Variants in GMCL1 observed in about 807,000 individuals in gnomAD.
GMCL1 encodes germ cell-less protein-like 1.
A neutral mutation model predicts 75.5 loss-of-function variants in GMCL1; 54 were observed. That is an observed-to-expected ratio of 0.71 (90% CI 0.57 to 0.90). GMCL1 has a LOEUF of 0.90. Ranked by LOEUF, GMCL1 falls within the 40% of genes least tolerant of loss-of-function variation. The pLI, the probability that GMCL1 is intolerant of heterozygous loss-of-function variation, is 0.00. For synonymous variants in GMCL1, 210 were observed against 209.6 expected, an observed-to-expected ratio of 1.00 and a Z score of -0.02; for missense variants, 537 against 622.7, an observed-to-expected ratio of 0.86 and a Z score of 1.47.
rs149481639 is a variant in GMCL1, at chr2:69,876,669, A to G, written c.1453-2240A>G. Among the ~76,000 whole-genome samples, 530 of 152,296 alleles carry G rather than the reference A, an allele frequency of 3.5e-3. 15 individuals are homozygous for G. In the South Asian group the frequency reaches 0.078, roughly 22 times the overall value. On this transcript the variant is annotated intron_variant, in intron 13 of 13. Coordinates refer to ENST00000282570, the MANE Select transcript of GMCL1 (RefSeq NM_178439.5). ...GACAAAAAAGGTAACCTGGTGAGAC[A>G]TTGAAAAGCTGGGATGGAGAATCAA...
At chr2:69,835,173 A>G (rs989349036) in intron 1 of GMCL1, among the ~76,000 whole-genome samples, 7 of 152,130 alleles carry the variant, frequency 4.6e-5, no homozygotes, top group African/African-American at 1.7e-4. Flanking sequence ...ATTCTTAAAT[A>G]TAAGTGGACA....
At chr2:69,860,657 A>C (rs1675613495) in intron 9 of GMCL1, among the ~76,000 whole-genome samples, 1 of 152,246 alleles carries the variant, frequency 6.6e-6, no homozygotes, top group Non-Finnish European at 1.5e-5. Context: ...ATGAACTATG[A>C]AAGGGAAAAC....
At chr2:69,851,435 C>A (rs1252683634) in intron 8 of GMCL1, among the ~76,000 whole-genome samples, 5 of 152,136 alleles carry the variant, frequency 3.3e-5, no homozygotes, top group Non-Finnish European at 5.9e-5. Context: ...CATGGTGAAA[C>A]CCTGTCTCTA....
At chr2:69,868,262 A>T (rs764968193) in intron 11 of GMCL1, among the ~76,000 whole-genome samples, 14 of 152,088 alleles carry the variant, frequency 9.2e-5, no homozygotes, top group Non-Finnish European at 1.9e-4. Context: ...TTGCCCTTAC[A>T]GTTATCACCT....
chr2:69,830,220 C>T (rs1674632772), intron 1 of GMCL1, 68 bp downstream of exon 1: 2 of 1,493,550 alleles, frequency 1.3e-6, no homozygotes, highest in Non-Finnish European at 1.8e-6. Flanking sequence ...GAGCCGGCGC[C>T]TCGTGCGCTT....
At chr2:69,859,760 T>TAAAAAAAAAAAAAAAAAAAAA (rs1675588671) in intron 9 of GMCL1, among the ~76,000 whole-genome samples, 4 of 69,410 alleles carry the variant, frequency 5.8e-5, no homozygotes, top group Admixed American at 1.8e-4. Flanking sequence ...AAAAAAAAAG[T>TAAAAAAAAAAAAAAAAAAAAA]ATATATGGGA....
At chr2:69,851,874 T>C (rs1675329354) in intron 8 of GMCL1, among the ~76,000 whole-genome samples, 1 of 152,220 alleles carries the variant, frequency 6.6e-6, no homozygotes, top group South Asian at 2.1e-4. Context: ...TGTAGTCAAA[T>C]TACCTACCTC....
chr2:69,830,174 C>T (rs1344073151), intron 1 of GMCL1, 22 bp downstream of exon 1: 1 of 1,547,440 alleles, frequency 6.5e-7, no homozygotes, highest in South Asian at 1.2e-5. Context: ...CACGCACCCG[C>T]GCGGACCCGG....
rs373908725 is a variant in GMCL1, at chr2:69,865,003, T to C, written c.1218+28T>C. The stretch of plus-strand genomic sequence containing the variant: ...AAGTATGGGTTGTGACTGTTAATAT[T>C]CTTATACAAATTGTATTATCAGCAC... On this transcript the variant is annotated intron_variant, in intron 11 of 13. Coordinates refer to ENST00000282570, the MANE Select transcript of GMCL1 (RefSeq NM_178439.5). The C allele has an allele frequency of 9.2e-6, 14 of 1,526,004 alleles. No individual in the cohort carries two copies. In the African/African-American group the frequency reaches 1.8e-4, roughly 19 times the overall value. 94.5% of individuals were successfully genotyped at this position (1,526,004 alleles called of 1,614,324 possible). A position where few individuals can be genotyped will look rare whatever the true frequency, so the allele number is the denominator to read the frequency against.
At chr2:69,843,714 C>G (rs976849289) in intron 5 of GMCL1, among the ~76,000 whole-genome samples, 3 of 152,108 alleles carry the variant, frequency 2.0e-5, no homozygotes, top group Non-Finnish European at 2.9e-5. Context: ...TCTTTGAGCC[C>G]AGGAGGTTCA....
At chr2:69,867,358 C>T (rs4853101) in intron 11 of GMCL1, among the ~76,000 whole-genome samples, 8,889 of 152,100 alleles carry the variant, frequency 0.058, 751 homozygotes, top group Admixed American at 0.21. Context: ...CTCAGGCATC[C>T]ATTCCTGTGA....
intron 11 of GMCL1, among the ~76,000 whole-genome samples, chr2:69,866,606 G>A (rs539307074): frequency 3.0e-4 from 46 of 152,180 alleles, no homozygotes; most frequent in African/African-American, 1.1e-3. Flanking sequence ...CTACAGACAC[G>A]TGTCACCACA....
intron 10 of GMCL1, among the ~76,000 whole-genome samples, chr2:69,862,667 G>A (rs887455116): frequency 1.3e-5 from 2 of 152,010 alleles, no homozygotes; most frequent in Non-Finnish European, 2.9e-5. Context: ...GCTGAGGCAG[G>A]AGAATCGCTT....
intron 11 of GMCL1, chr2:69,869,473 A>T: frequency 7.4e-6 from 2 of 271,266 alleles, no homozygotes; most frequent in Non-Finnish European, 6.9e-6. Flanking sequence ...TGCAGTATGG[A>T]GAGATAAGGA....
chr2:69,858,674 T>G (rs1675551483), intron 9 of GMCL1, among the ~76,000 whole-genome samples: 1 of 152,200 alleles, frequency 6.6e-6, no homozygotes, highest in Admixed American at 6.5e-5. Flanking sequence ...ATGCTGCTTT[T>G]AAGACATGGG....
chr2:69,850,397 G>C (rs1238449074), intron 8 of GMCL1, among the ~76,000 whole-genome samples: 2 of 152,122 alleles, frequency 1.3e-5, no homozygotes, highest in African/African-American at 4.8e-5. Context: ...AACATATCTA[G>C]AAAAAGTATT....
chr2:69,866,958 T>C (rs1278982218), intron 11 of GMCL1, among the ~76,000 whole-genome samples: 1 of 151,432 alleles, frequency 6.6e-6, no homozygotes. Context: ...CTTTCTTTTT[T>C]TTTTGAGACA....
intron 7 of GMCL1, among the ~76,000 whole-genome samples, chr2:69,849,003 T>C (rs1371437665): frequency 1.3e-5 from 2 of 151,458 alleles, no homozygotes; most frequent in African/African-American, 4.9e-5. Context: ...TTTAGTGAAA[T>C]TGAGTTGTTA....
At chr2:69,830,366 G>A (rs1367777531) in intron 1 of GMCL1, among the ~76,000 whole-genome samples, 1 of 152,190 alleles carries the variant, frequency 6.6e-6, no homozygotes, top group Non-Finnish European at 1.5e-5. Context: ...AACCACAGAC[G>A]CTTCCAGGGT....
Sources: gnomAD v4.1 joint callset for allele counts (sites outside exome capture counted in the v4.1 genomes callset) on GRCh38, gnomAD v4.1.1 for gene constraint, MANE v1.5 for transcripts, NCBI Gene and HGNC (gene_info 2026-07-23, HGNC 2026-07-21) for gene names.